Variants in CCAR1 observed in about 807,000 individuals in gnomAD.
CCAR1 encodes the protein cell division cycle and apoptosis regulator protein 1.
A neutral mutation model predicts 163.8 loss-of-function variants in CCAR1; 78 were observed. That is an observed-to-expected ratio of 0.48 (90% CI 0.40 to 0.57). CCAR1 has a LOEUF of 0.57. Among genes scored for constraint, CCAR1 ranks in the 20% least tolerant of loss-of-function variants. CCAR1 has a pLI of 0.00. For synonymous variants in CCAR1, 443 were observed against 460.7 expected (o/e 0.96, Z 0.49); for missense variants, 1,019 against 1,365.2 (o/e 0.75, Z 4.00).
chr10:68,780,026 A>G (rs2056716694), intron 19 of CCAR1, among the ~76,000 whole-genome samples: 1 of 152,326 alleles, frequency 6.6e-6, no homozygotes, highest in African/African-American at 2.4e-5. Context: ...ATTTTCTGTG[A>G]TGAATAAATA....
intron 2 of CCAR1, 31 bp downstream of exon 2, chr10:68,722,608 G>C (rs1564524773): frequency 6.6e-7 from 1 of 1,517,376 alleles, no homozygotes; most frequent in East Asian, 2.3e-5. Context: ...TACTGTAATT[G>C]TTTGTGGGGG....
At chr10:68,788,416 C>T in intron 23 of CCAR1, 88 bp downstream of exon 23, 1 of 846,440 alleles carries the variant, frequency 1.2e-6, no homozygotes, top group Non-Finnish European at 1.7e-6. Flanking sequence ...ATATACGTAC[C>T]TGTGTACACA....
At chr10:68,742,930 A>C (rs924478135) in intron 6 of CCAR1, among the ~76,000 whole-genome samples, 1 of 151,390 alleles carries the variant, frequency 6.6e-6, no homozygotes, top group African/African-American at 2.4e-5. Context: ...TGTAGCTATG[A>C]TTTTCTTTCC....
Position 68,749,150 on chromosome 10 carries a change from C to A in CCAR1, c.841C>A (p.Pro281Thr). ...ATCTTTTAAAGCTGGTTTATTGCAG[C>A]CTCCTGTTCGTATAGTTTCACAGCC... The part of the protein sequence containing the change: ...QPQQKAGLLQ[P>T]PVRIVSQPQP... The change falls in exon 9 of 25, where the codon CCT (proline) becomes ACT (threonine). Residue 281 changes from proline (P) to threonine (T), a missense_variant. Transcript: ENST00000265872. 2 of 1,613,914 alleles carry A rather than the reference C, an allele frequency of 1.2e-6. No homozygotes were observed. Among genetic ancestry groups the A allele is most frequent in the Non-Finnish European group, 1.7e-6 (2 of 1,179,950 alleles).
chr10:68,734,341 C>T (rs944976273), intron 2 of CCAR1, among the ~76,000 whole-genome samples: 6 of 151,866 alleles, frequency 4.0e-5, no homozygotes, highest in African/African-American at 7.3e-5. Flanking sequence ...CTGGTTTTTA[C>T]GGCCTCTTGG....
rs538950039 is a variant in CCAR1 at position 68,757,933 on chromosome 10, G to A, written c.1920+556G>A. ...TTGTTTTGTATTTTTAGTAGAGATCGGGTTTCACCGTGTTAGCCATTATGG... is the reference window on the plus strand; with the variant it reads ...TTGTTTTGTATTTTTAGTAGAGATCAGGTTTCACCGTGTTAGCCATTATGG... On this transcript the variant is annotated intron_variant, in intron 15 of 24. Coordinates refer to ENST00000265872, the MANE Select transcript of CCAR1 (RefSeq NM_018237.4). 2.2e-4 allele frequency among the ~76,000 whole-genome samples: 34 copies of A among 151,976 alleles called. No individual in the cohort carries two copies. The South Asian group carries it at 5.8e-3, about 26-fold the overall frequency.
intron 17 of CCAR1, 88 bp from the exon 18 acceptor site, chr10:68,771,118 G>A (rs2056597348): frequency 8.8e-7 from 1 of 1,142,538 alleles, no homozygotes; most frequent in Non-Finnish European, 1.2e-6. Context: ...ATCGTTGTAT[G>A]TGGCAAGTTT....
At chr10:68,754,151 C>T in intron 11 of CCAR1, 74 bp downstream of exon 11, 3 of 1,066,062 alleles carry the variant, frequency 2.8e-6, no homozygotes, top group Non-Finnish European at 4.2e-6. Context: ...GTAGAATTAT[C>T]CTTCAGAAAG....
chr10:68,725,832 G>A (rs1045288570), intron 2 of CCAR1, among the ~76,000 whole-genome samples: 1 of 151,906 alleles, frequency 6.6e-6, no homozygotes, highest in Admixed American at 6.6e-5. Context: ...TAAAGACGTG[G>A]AGACCTGGCA....
Position 68,742,563 on chromosome 10 carries a change from A to G in CCAR1, c.512A>G (p.Gln171Arg). 6.2e-7 allele frequency: 1 copy of G among 1,612,116 alleles called. No homozygotes were observed. The highest frequency in any genetic ancestry group is 8.5e-7 in the Non-Finnish European group (1 of 1,178,434). Residue 171 changes from glutamine (Q) to arginine (R), a missense_variant, in exon 6 of 25, where the codon CAG becomes CGG. By Grantham distance (43) the Gln-to-Arg change is conservative. Coordinates refer to ENST00000265872, the MANE Select transcript of CCAR1 (RefSeq NM_018237.4). Reference protein sequence around the residue: ...FGFVDEDVFFQLSAVKGKTPQ... With the variant: ...FGFVDEDVFFRLSAVKGKTPQ... ...TTTGTGGATGAAGATGTATTCTTTC[A>G]GCTTAGGTAAACTTAATGAGGTCTT...
intron 19 of CCAR1, among the ~76,000 whole-genome samples, chr10:68,780,506 CT>C (rs2056723199): frequency 1.3e-5 from 2 of 152,200 alleles, no homozygotes; most frequent in Non-Finnish European, 2.9e-5. Context: ...AGAACATTTG[CT>C]TAATTTTTTA....
At chr10:68,754,966 A>C (rs1173012318) in intron 12 of CCAR1, 139 bp downstream of exon 12, 2 of 604,574 alleles carry the variant, frequency 3.3e-6, no homozygotes, top group Non-Finnish European at 5.9e-6. Context: ...CCAGAATTTA[A>C]TGATGTAGAT....
chr10:68,746,018 G>C (rs929467721), intron 6 of CCAR1, among the ~76,000 whole-genome samples: 1 of 151,622 alleles, frequency 6.6e-6, no homozygotes. Flanking sequence ...TGTCGCCCAG[G>C]CTGGAGTGCA....
At chr10:68,788,078 A>G (rs763643844) in intron 22 of CCAR1, 31 bp downstream of exon 22, 79 of 1,552,828 alleles carry the variant, frequency 5.1e-5, no homozygotes, top group Non-Finnish European at 6.6e-5. Context: ...TTGCTTTTTA[A>G]TAAATATACT....
At position 68,758,849 on chromosome 10, in the gene CCAR1, G is replaced by A. The variant is rs554958516; in HGVS notation, c.1920+1472G>A. Among the ~76,000 whole-genome samples the A allele has an allele frequency of 2.0e-5, 3 of 151,202 alleles. No homozygotes were observed. In the South Asian group the frequency reaches 6.3e-4, roughly 32 times the overall value. ...CACCATGCCTGACTAATTTTTGTAT[G>A]TTTAGTAGAGATGGGGTTTCACCAT... On this transcript the variant is annotated intron_variant, in intron 15 of 24. Coordinates refer to ENST00000265872, the MANE Select transcript of CCAR1 (RefSeq NM_018237.4).
chr10:68,765,739 A>T (rs2056527971), intron 16 of CCAR1, 149 bp from the exon 17 acceptor site: 1 of 534,936 alleles, frequency 1.9e-6, no homozygotes, highest in Non-Finnish European at 3.2e-6. Context: ...TCCCTTCTCA[A>T]CGCTTATGGT....
chr10:68,737,796 A>C (rs2056131288), intron 3 of CCAR1, 49 bp from the exon 4 acceptor site: 1 of 1,058,950 alleles, frequency 9.4e-7, no homozygotes, highest in South Asian at 1.4e-5. Context: ...AGAATGAATA[A>C]ATTTAGTGTC....
intron 4 of CCAR1, among the ~76,000 whole-genome samples, chr10:68,739,361 A>G (rs1589159027): frequency 1.3e-5 from 2 of 152,174 alleles, no homozygotes; most frequent in South Asian, 2.1e-4. Context: ...ATGTTGGCCA[A>G]GCTGGTCTCG....
At chr10:68,782,558 CTT>C (rs2056749187) in intron 19 of CCAR1, among the ~76,000 whole-genome samples, 1 of 152,182 alleles carries the variant, frequency 6.6e-6, no homozygotes, top group Non-Finnish European at 1.5e-5. Flanking sequence ...CATCTTAAGA[CTT>C]TCACAGCTAG....
Sources: gnomAD v4.1 joint callset for allele counts (sites outside exome capture counted in the v4.1 genomes callset) on GRCh38, gnomAD v4.1.1 for gene constraint, MANE v1.5 for transcripts, NCBI Gene and HGNC (gene_info 2026-07-23, HGNC 2026-07-21) for gene names.